The following IL1RAPL1 variants were observed in gnomAD, a reference collection of about 807,000 sequenced individuals.
The protein encoded by IL1RAPL1 is interleukin-1 receptor accessory protein-like 1.
IL1RAPL1 carries 3 observed loss-of-function variants against 48.4 expected under a neutral mutation model. The observed-to-expected ratio is 0.06, with a 90% CI of 0.03 to 0.16. The LOEUF is 0.16. IL1RAPL1 is among the 10% of genes least tolerant of loss of function. The pLI, the probability that IL1RAPL1 is intolerant of heterozygous loss-of-function variation, is 1.00. For synonymous variants in IL1RAPL1, 185 were observed against 187.7 expected (o/e 0.99, Z 0.12); for missense variants, 349 against 530.6 (o/e 0.66, Z 3.36).
chrX:29,138,528 G>T (rs1268170114), intron 2 of IL1RAPL1, among the ~76,000 whole-genome samples: 1 of 110,754 alleles, frequency 9.0e-6, no homozygotes, highest in African/African-American at 3.3e-5. Context: ...GGCACTTTGG[G>T]AGGCCGAGGT....
chrX:28,764,875 T>G (rs1936217922), intron 1 of IL1RAPL1, among the ~76,000 whole-genome samples: 1 of 110,392 alleles, frequency 9.1e-6, no homozygotes, highest in Non-Finnish European at 1.9e-5. Flanking sequence ...GAGACACTTT[T>G]CACAATAGCA....
chrX:29,696,480 C>T (rs772904852), intron 6 of IL1RAPL1, among the ~76,000 whole-genome samples: 1 of 111,907 alleles, frequency 8.9e-6, no homozygotes, highest in South Asian at 3.7e-4. Flanking sequence ...TTAAAAAGTA[C>T]ACATATATCA....
chrX:28,790,847 G>C (rs1936529836), intron 2 of IL1RAPL1, among the ~76,000 whole-genome samples: 1 of 111,531 alleles, frequency 9.0e-6, no homozygotes, highest in Non-Finnish European at 1.9e-5. Flanking sequence ...ATAACCAAGA[G>C]AGTTAGAGTA....
At chrX:28,843,892 A>G (rs1206402764) in intron 2 of IL1RAPL1, among the ~76,000 whole-genome samples, 1 of 110,440 alleles carries the variant, frequency 9.1e-6, no homozygotes, top group Non-Finnish European at 1.9e-5. Flanking sequence ...TTAAGATGAA[A>G]TTTTTGTCAG....
chrX:28,690,130 A>G (rs779069269), intron 1 of IL1RAPL1, among the ~76,000 whole-genome samples: 4 of 111,327 alleles, frequency 3.6e-5, no homozygotes, highest in Non-Finnish European at 7.5e-5. Context: ...TAGTGGATAA[A>G]TTAGATTATT....
At chrX:29,783,865 G>A (rs773784655) in intron 6 of IL1RAPL1, among the ~76,000 whole-genome samples, 2 of 112,010 alleles carry the variant, frequency 1.8e-5, no homozygotes, top group Non-Finnish European at 3.8e-5. Flanking sequence ...ACAAAACTCC[G>A]ATTTAATTCA....
intron 5 of IL1RAPL1, among the ~76,000 whole-genome samples, chrX:29,566,224 C>A (rs1922402486): frequency 9.0e-6 from 1 of 111,583 alleles, no homozygotes; most frequent in Non-Finnish European, 1.9e-5. Context: ...CAGGTGCGAG[C>A]CACCGCGCCC....
chrX:29,528,048 G>A (rs182226097), intron 5 of IL1RAPL1, among the ~76,000 whole-genome samples: 28 of 112,207 alleles, frequency 2.5e-4, no homozygotes, highest in African/African-American at 8.1e-4. Context: ...TTCTCATACA[G>A]TGTTGGAATT....
chrX:29,928,976 G>A (rs1229075218), intron 8 of IL1RAPL1, among the ~76,000 whole-genome samples: 1 of 111,441 alleles, frequency 9.0e-6, no homozygotes, highest in Non-Finnish European at 1.9e-5. Context: ...TTTGCCATCT[G>A]TGGGAAATAT....
At chrX:28,975,315 G>T (rs767449056) in intron 2 of IL1RAPL1, among the ~76,000 whole-genome samples, 6 of 111,699 alleles carry the variant, frequency 5.4e-5, no homozygotes, top group Non-Finnish European at 9.4e-5. Flanking sequence ...GCAAATGCTT[G>T]CCCCCTCTGT....
At chrX:29,544,325 T>C (rs191790175) in intron 5 of IL1RAPL1, among the ~76,000 whole-genome samples, 1 of 112,421 alleles carries the variant, frequency 8.9e-6, no homozygotes, top group South Asian at 3.7e-4. Context: ...ATCGACTTAT[T>C]CATGTTGATT....
At position 29,044,204 on chromosome X, in the gene IL1RAPL1, G is replaced by A. The variant is rs187969143; in HGVS notation, c.83-238734G>A. Among the ~76,000 whole-genome samples the A allele has an allele frequency of 1.3e-3, 144 of 111,203 alleles. 1 individual carries two copies. The highest frequency in any genetic ancestry group is 4.5e-3 in the African/African-American group (137 of 30,609). On this transcript the variant is annotated intron_variant, in intron 2 of 10. Coordinates refer to ENST00000378993, the MANE Select transcript of IL1RAPL1 (RefSeq NM_014271.4). ...CCTAGCACTTTGGGAGGCCAAGGCAGGTGGATCACTTGAGGTCAGGAGTTC... is the reference window on the plus strand; with the variant it reads ...CCTAGCACTTTGGGAGGCCAAGGCAAGTGGATCACTTGAGGTCAGGAGTTC...
intron 3 of IL1RAPL1, among the ~76,000 whole-genome samples, chrX:29,336,355 A>G (rs985628406): frequency 2.7e-5 from 2 of 73,243 alleles, no homozygotes; most frequent in Non-Finnish European, 2.8e-5. Context: ...GTGTATATCT[A>G]TGTATATATA....
At chrX:29,333,759 GA>G (rs1932924237) in intron 3 of IL1RAPL1, among the ~76,000 whole-genome samples, 1 of 52,843 alleles carries the variant, frequency 1.9e-5, no homozygotes, top group Non-Finnish European at 3.4e-5. Flanking sequence ...GGTGGGGGCT[GA>G]CCCCCCCCAC....
intron 3 of IL1RAPL1, among the ~76,000 whole-genome samples, chrX:29,352,590 T>A (rs1477068105): frequency 9.1e-6 from 1 of 109,940 alleles, no homozygotes; most frequent in African/African-American, 3.3e-5. Context: ...TCTCTCCAAT[T>A]TGAGATTTAA....
At chrX:29,793,290 A>G (rs142034106) in intron 6 of IL1RAPL1, among the ~76,000 whole-genome samples, 144 of 111,978 alleles carry the variant, frequency 1.3e-3, no homozygotes, top group African/African-American at 4.4e-3. Context: ...TCTATTATAT[A>G]GTGTCTATTT....
chrX:29,528,894 A>G (rs1386934463), intron 5 of IL1RAPL1, among the ~76,000 whole-genome samples: 1 of 111,284 alleles, frequency 9.0e-6, no homozygotes. Flanking sequence ...CCCTCTTTGA[A>G]TTGGGCCTAT....
At chrX:28,961,930 T>C (rs1924789623) in intron 2 of IL1RAPL1, among the ~76,000 whole-genome samples, 1 of 111,863 alleles carries the variant, frequency 8.9e-6, no homozygotes, top group Non-Finnish European at 1.9e-5. Context: ...TGTATAGACA[T>C]TTGATTCAGC....
rs779958020 is a variant in IL1RAPL1, at chrX:29,315,759, G to C, written c.362+32542G>C. Among the ~76,000 whole-genome samples the C allele has an allele frequency of 2.7e-5, 3 of 111,848 alleles. No homozygotes were observed. The South Asian group carries it at 1.1e-3, about 41-fold the overall frequency. On this transcript the variant is annotated intron_variant, in intron 3 of 10. Coordinates refer to ENST00000378993, the MANE Select transcript of IL1RAPL1 (RefSeq NM_014271.4). ...GGACAGTGAGTTTTCAGTCATTTCT[G>C]CTTATCTGGCACTTGCTTTCTATGA...
Sources: gnomAD v4.1 joint callset for allele counts (sites outside exome capture counted in the v4.1 genomes callset) on GRCh38, gnomAD v4.1.1 for gene constraint, MANE v1.5 for transcripts, NCBI Gene and HGNC (gene_info 2026-07-23, HGNC 2026-07-21) for gene names.